DLG2: variants seen among roughly 807,000 people sequenced by gnomAD.
DLG2 encodes the protein disks large homolog 2.
A neutral mutation model predicts 132.5 loss-of-function variants in DLG2; 45 were observed. That is an observed-to-expected ratio of 0.34 (90% CI 0.27 to 0.44). The LOEUF is 0.44. Ranked by LOEUF, DLG2 falls within the 20% of genes least tolerant of loss-of-function variation. DLG2 has a pLI of 1.00. For missense variants in DLG2, 1,045 were observed against 1,196.9 expected, an observed-to-expected ratio of 0.87 and a Z score of 1.87; for synonymous variants, 424 against 419.6, an observed-to-expected ratio of 1.01 and a Z score of -0.13.
intron 5 of DLG2, among the ~76,000 whole-genome samples, chr11:85,135,145 T>C (rs1404618980): frequency 6.6e-6 from 1 of 152,216 alleles, no homozygotes; most frequent in African/African-American, 2.4e-5. Context: ...ACAACTAACA[T>C]CTAATAGGTA....
At chr11:85,364,067 T>G (rs530785032) in intron 3 of DLG2, among the ~76,000 whole-genome samples, 1 of 152,318 alleles carries the variant, frequency 6.6e-6, no homozygotes, top group Non-Finnish European at 1.5e-5. Flanking sequence ...GTTCTACAGA[T>G]GAGCTGGGTT....
chr11:84,860,070 C>A (rs926002877), intron 6 of DLG2, among the ~76,000 whole-genome samples: 2 of 152,098 alleles, frequency 1.3e-5, no homozygotes, highest in Non-Finnish European at 2.9e-5. Flanking sequence ...ATCTTGGCAT[C>A]CCCAGGATCT....
At chr11:84,369,606 C>G (rs940393422) in intron 7 of DLG2, among the ~76,000 whole-genome samples, 1 of 151,842 alleles carries the variant, frequency 6.6e-6, no homozygotes, top group Non-Finnish European at 1.5e-5. Context: ...AAAGTTGGCC[C>G]CTGAAGTAAC....
At position 83,682,828 on chromosome 11, in the gene DLG2, T is replaced by G. The variant is rs140724105; in HGVS notation, c.1826-49503A>C. Among the ~76,000 whole-genome samples, 1,415 of 152,214 alleles carry G rather than the reference T, an allele frequency of 9.3e-3. 31 individuals are homozygous for G. The highest frequency in any genetic ancestry group is 0.032 in the African/African-American group (1,349 of 41,522). On this transcript the variant is annotated intron_variant, in intron 18 of 27. Transcript: ENST00000376104. Reference sequence around the variant, plus strand: ...CTTTATTTGGTATTCACTGAATTTATGGAATGCAAGGAGTCCTAGAGATTA... The same window carrying G: ...CTTTATTTGGTATTCACTGAATTTAGGGAATGCAAGGAGTCCTAGAGATTA...
At chr11:85,219,123 C>T (rs2082832519) in intron 4 of DLG2, among the ~76,000 whole-genome samples, 1 of 152,084 alleles carries the variant, frequency 6.6e-6, no homozygotes, top group Non-Finnish European at 1.5e-5. Context: ...CTATCAGGTA[C>T]CATGCTCATT....
intron 4 of DLG2, among the ~76,000 whole-genome samples, chr11:85,194,704 C>A (rs924394616): frequency 6.6e-6 from 1 of 151,108 alleles, no homozygotes; most frequent in Non-Finnish European, 1.5e-5. Flanking sequence ...GGCTTATAAT[C>A]CTGTCCATCC....
At chr11:84,412,189 ACT>A (rs1409245889) in intron 7 of DLG2, among the ~76,000 whole-genome samples, 2 of 151,510 alleles carry the variant, frequency 1.3e-5, no homozygotes, top group Non-Finnish European at 2.9e-5. Context: ...AAAAATTGAA[ACT>A]CTACTATGCA....
chr11:84,121,715 C>G (rs1334718809), intron 9 of DLG2, among the ~76,000 whole-genome samples: 1 of 151,488 alleles, frequency 6.6e-6, no homozygotes. Context: ...GTGCCCACCA[C>G]CACGCCTGGC....
intron 11 of DLG2, among the ~76,000 whole-genome samples, chr11:83,983,777 G>A (rs1265637678): frequency 6.6e-6 from 1 of 151,922 alleles, no homozygotes; most frequent in Non-Finnish European, 1.5e-5. Context: ...TTAAGCAAAT[G>A]ATGACCAAAG....
chr11:84,055,099 C>T (rs985154211), intron 11 of DLG2, among the ~76,000 whole-genome samples: 1 of 151,942 alleles, frequency 6.6e-6, no homozygotes, highest in Non-Finnish European at 1.5e-5. Flanking sequence ...AGACCTTCTC[C>T]AGTTCTGCTT....
At chr11:85,296,761 G>T (rs1267991293) in intron 3 of DLG2, among the ~76,000 whole-genome samples, 1 of 151,184 alleles carries the variant, frequency 6.6e-6, no homozygotes, top group East Asian at 1.9e-4. Context: ...ATCTCAAAAA[G>T]AACATGCTTG....
At chr11:83,724,802 C>A (rs2089650253) in intron 18 of DLG2, 1 of 701,478 alleles carries the variant, frequency 1.4e-6, no homozygotes, top group Non-Finnish European at 2.6e-6. Flanking sequence ...GCCACACCTC[C>A]CCCACATGGT....
At chr11:83,859,395 G>A (rs2061065679) in intron 16 of DLG2, among the ~76,000 whole-genome samples, 2 of 152,190 alleles carry the variant, frequency 1.3e-5, no homozygotes, top group Admixed American at 1.3e-4. Context: ...GATGGAAACG[G>A]GGAACTTGTT....
At chr11:84,726,129 A>G (rs988244833) in intron 6 of DLG2, among the ~76,000 whole-genome samples, 11 of 152,048 alleles carry the variant, frequency 7.2e-5, no homozygotes, top group African/African-American at 2.4e-4. Context: ...ATTTATTATT[A>G]TTATACTTTA....
intron 19 of DLG2, among the ~76,000 whole-genome samples, chr11:83,595,754 T>A (rs765803575): frequency 1.3e-5 from 2 of 152,176 alleles, no homozygotes; most frequent in Non-Finnish European, 2.9e-5. Flanking sequence ...AAGTATCACA[T>A]TGCAAACAAT....
intron 7 of DLG2, among the ~76,000 whole-genome samples, chr11:84,445,158 C>T (rs2154479089): frequency 6.6e-6 from 1 of 152,228 alleles, no homozygotes; most frequent in African/African-American, 2.4e-5. Context: ...GTTACATTCC[C>T]CACCAAATCA....
intron 5 of DLG2, among the ~76,000 whole-genome samples, chr11:85,147,728 G>A (rs1318608402): frequency 6.6e-6 from 1 of 151,510 alleles, no homozygotes; most frequent in East Asian, 1.9e-4. Context: ...AACCAGTATG[G>A]TCAATATTCT....
chr11:85,030,508 C>A (rs1002454811), intron 6 of DLG2, among the ~76,000 whole-genome samples: 4 of 152,136 alleles, frequency 2.6e-5, no homozygotes, highest in African/African-American at 9.7e-5. Context: ...AAGCAGTGAT[C>A]AAATTATGTT....
At chr11:83,839,130 T>A (rs1241130034) in intron 16 of DLG2, among the ~76,000 whole-genome samples, 3 of 152,182 alleles carry the variant, frequency 2.0e-5, no homozygotes, top group Non-Finnish European at 4.4e-5. Context: ...AAACATATAA[T>A]GTTTGCATGA....
Sources: gnomAD v4.1 joint callset for allele counts (sites outside exome capture counted in the v4.1 genomes callset) on GRCh38, gnomAD v4.1.1 for gene constraint, MANE v1.5 for transcripts, NCBI Gene and HGNC (gene_info 2026-07-23, HGNC 2026-07-21) for gene names.